The following NDEL1 variants were observed in gnomAD, a reference collection of about 807,000 sequenced individuals.
The protein encoded by NDEL1 is nuclear distribution protein nudE-like 1.
In NDEL1, 9 loss-of-function variants were observed where a neutral mutation model predicts 45.7. The observed-to-expected ratio is 0.20, with a 90% confidence interval of 0.12 to 0.34. The LOEUF (loss-of-function observed/expected upper bound fraction) is 0.34. Ranked by LOEUF, NDEL1 falls within the 10% of genes least tolerant of loss-of-function variation. The pLI is 1.00. For missense variants in NDEL1, 306 were observed against 406.2 expected, an observed-to-expected ratio of 0.75 and a Z score of 2.12; for synonymous variants, 133 against 158.6, an observed-to-expected ratio of 0.84 and a Z score of 1.21.
At chr17:8,463,336 T>C (rs1911350082) in intron 8 of NDEL1, 1 of 1,613,068 alleles carries the variant, frequency 6.2e-7, no homozygotes, top group South Asian at 1.1e-5. Context: ...AAAAGTCATA[T>C]TTCCCACGTT....
At chr17:8,449,171 C>T (rs1022484365) in intron 5 of NDEL1, among the ~76,000 whole-genome samples, 18 of 152,150 alleles carry the variant, frequency 1.2e-4, no homozygotes, top group Non-Finnish European at 1.6e-4. Context: ...TTAGTAGAGA[C>T]GGGATTTCAC....
chr17:8,415,215 G>A (rs1406277245), intron 1 of NDEL1, among the ~76,000 whole-genome samples: 1 of 147,242 alleles, frequency 6.8e-6, no homozygotes, highest in Non-Finnish European at 1.5e-5. Context: ...ATCTTGCTCT[G>A]TTGCCCAGGC....
At chr17:8,463,671 T>C (rs1911390155) in intron 8 of NDEL1, among the ~76,000 whole-genome samples, 1 of 152,244 alleles carries the variant, frequency 6.6e-6, no homozygotes, top group African/African-American at 2.4e-5. Flanking sequence ...TTGAGGTCAC[T>C]GTCAGGCCCT....
At chr17:8,466,704 G>C (rs1294368717) in intron 8 of NDEL1, 1 of 569,650 alleles carries the variant, frequency 1.8e-6, no homozygotes, top group Non-Finnish European at 3.1e-6. Flanking sequence ...GTGTGCGGCA[G>C]TTGCCAAACA....
At position 8,427,686 on chromosome 17, in the gene NDEL1, C is replaced by T. The variant is rs151319931; in HGVS notation, c.-13+14417C>T. 3.2e-4 allele frequency among the ~76,000 whole-genome samples: 49 copies of T among 152,058 alleles called. 1 individual carries two copies. The highest frequency in any genetic ancestry group is 1.9e-4 in the African/African-American group (8 of 41,486). ...TCGCGCCACTGCACTCCAGCCTGGG[C>T]GACAGAGCAAGACTCTGTCTCAAAA... On this transcript the variant is annotated intron_variant, in intron 1 of 4. Transcript: ENST00000582812.
intron 3 of NDEL1, chr17:8,474,170 G>T (rs915717275): frequency 6.6e-6 from 1 of 152,670 alleles, no homozygotes; most frequent in Non-Finnish European, 1.5e-5. Flanking sequence ...TCAGATCACA[G>T]ATGGGAAATC....
At chr17:8,448,115 G>A (rs1030055928) in intron 4 of NDEL1, among the ~76,000 whole-genome samples, 13 of 152,212 alleles carry the variant, frequency 8.5e-5, no homozygotes, top group African/African-American at 1.7e-4. Flanking sequence ...GGTGTGGAAA[G>A]TTCCGGTTTT....
At chr17:8,428,037 G>T (rs1459218995) in intron 1 of NDEL1, among the ~76,000 whole-genome samples, 2 of 152,154 alleles carry the variant, frequency 1.3e-5, no homozygotes, top group Admixed American at 1.3e-4. Context: ...TTCACTCAGG[G>T]AGCAGCCCTG....
At chr17:8,419,371 T>C (rs1908647692) in intron 1 of NDEL1, among the ~76,000 whole-genome samples, 1 of 152,190 alleles carries the variant, frequency 6.6e-6, no homozygotes, top group Non-Finnish European at 1.5e-5. Flanking sequence ...CTAATACATA[T>C]AAATATATTC....
chr17:8,472,769 T>C (rs1397534089), downstream of NDEL1, among the ~76,000 whole-genome samples: 1 of 152,212 alleles, frequency 6.6e-6, no homozygotes, highest in African/African-American at 2.4e-5. Flanking sequence ...CTGGCATCTA[T>C]GATGTGGCAA....
chr17:8,432,179 C>G (rs988964850), upstream of NDEL1: 1 of 150,718 alleles, frequency 6.6e-6, no homozygotes, highest in Admixed American at 6.6e-5. Context: ...AGGATACTTT[C>G]GTAACCATGA....
Position 8,467,157 on chromosome 17 carries a change from T to C in NDEL1, c.*134T>C. On this transcript the variant is annotated 3_prime_UTR_variant, in exon 9 of 9. Coordinates refer to ENST00000334527, the MANE Select transcript of NDEL1 (RefSeq NM_030808.5). The surrounding 1 kb of genome is among the most constrained non-coding windows in gnomAD (Gnocchi z 6.3). ...CACGGCTGGCAGAGGGCAGGCTGCA[T>C]GCAGTGGCGGCTACTGGGCCCTGCC... is the stretch of plus-strand genomic sequence containing the variant. The C allele has an allele frequency of 2.4e-6, 2 of 830,188 alleles. No homozygotes were observed. Among genetic ancestry groups the C allele is most frequent in the Non-Finnish European group, 1.9e-6 (1 of 518,304 alleles). The allele number at this position is 830,188 out of a possible 1,614,324, so 51.4% of individuals were successfully genotyped here.
chr17:8,445,521 C>T (rs1910026468), intron 2 of NDEL1, among the ~76,000 whole-genome samples, 190 bp from the exon 3 acceptor site: 1 of 152,056 alleles, frequency 6.6e-6, no homozygotes, highest in Admixed American at 6.6e-5. Flanking sequence ...CTTGTGGCTC[C>T]TTTTTGGGCT....
At chr17:8,448,807 G>A (rs1395018034) in intron 5 of NDEL1, 121 bp downstream of exon 5, 4 of 1,048,200 alleles carry the variant, frequency 3.8e-6, no homozygotes, top group East Asian at 2.6e-5. Context: ...CAGTATTCAC[G>A]GCATTCAAAA....
chr17:8,437,451 A>C (rs1909426078), intron 1 of NDEL1, among the ~76,000 whole-genome samples: 1 of 152,182 alleles, frequency 6.6e-6, no homozygotes, highest in African/African-American at 2.4e-5. Context: ...CTGCAAAACA[A>C]CTTATTTTTG....
chr17:8,431,255 C>T (rs1158662169), upstream of NDEL1: 4 of 152,474 alleles, frequency 2.6e-5, no homozygotes, highest in African/African-American at 9.6e-5. Flanking sequence ...CATCCCCTCC[C>T]TGTCTGTGAT....
At chr17:8,453,644 G>A (rs567415139) in intron 6 of NDEL1, among the ~76,000 whole-genome samples, 150 of 152,178 alleles carry the variant, frequency 9.9e-4, no homozygotes, top group Non-Finnish European at 1.8e-3. Context: ...GATTCTGAAT[G>A]GGAAGACTTA....
At chr17:8,419,258 A>T (rs1219108299) in intron 1 of NDEL1, among the ~76,000 whole-genome samples, 4 of 152,318 alleles carry the variant, frequency 2.6e-5, no homozygotes, top group African/African-American at 9.6e-5. Flanking sequence ...TAGATTATCA[A>T]AGTAACGTGT....
At position 8,448,653 on chromosome 17, in the gene NDEL1, G is replaced by A; in HGVS notation, c.493G>A (p.Val165Ile). The part of the protein sequence containing the change: ...SELDEKESLL[V>I]SVQRLKDEAR... ...ACTTGATGAAAAGGAATCTTTGTTG[G>A]TCTCTGTACAGAGGTTAAAGGATGA... Residue 165 changes from valine (V) to isoleucine (I), a missense_variant, in exon 5 of 9, where the codon GTC (valine) becomes ATC (isoleucine). Coordinates refer to ENST00000334527, the MANE Select transcript of NDEL1 (RefSeq NM_030808.5). 2.5e-6 allele frequency: 4 copies of A among 1,614,120 alleles called. No individual in the cohort carries two copies. The highest frequency in any genetic ancestry group is 3.4e-6 in the Non-Finnish European group (4 of 1,179,992).
Sources: allele counts gnomAD v4.1 joint callset (sites outside exome capture counted in the v4.1 genomes callset), GRCh38; gene constraint gnomAD v4.1.1; non-coding constraint Gnocchi (gnomAD v3.1); transcripts MANE v1.5; gene names NCBI Gene and HGNC (gene_info 2026-07-23, HGNC 2026-07-21).